SPATA6L: variants seen among roughly 807,000 people sequenced by gnomAD.
SPATA6L encodes the protein spermatogenesis associated 6-like protein.
SPATA6L carries 68 observed loss-of-function variants against 49.2 expected under a neutral mutation model. The ratio of observed to expected loss-of-function variants is 1.38; its 90% CI spans 1.14 to 1.69. The LOEUF is 1.69. Among genes scored for constraint, SPATA6L ranks in the 40% most tolerant of loss-of-function variants. The pLI is 0.00. For missense variants in SPATA6L, 668 were observed against 464.3 expected (o/e 1.44, Z -4.03); for synonymous variants, 198 against 165.7 (o/e 1.19, Z -1.50).
chr9:4,638,820 T>C (rs947446622), intron 3 of SPATA6L, among the ~76,000 whole-genome samples: 3 of 151,566 alleles, frequency 2.0e-5, no homozygotes, highest in Non-Finnish European at 4.4e-5. Context: ...AGTCTCGCCC[T>C]GTCACCCAGG....
chr9:4,611,893 A>G (rs1826837974), intron 9 of SPATA6L, among the ~76,000 whole-genome samples: 2 of 152,162 alleles, frequency 1.3e-5, no homozygotes, highest in African/African-American at 4.8e-5. Context: ...ACCCAGGCTA[A>G]CGTACAACTG....
chr9:4,639,103 C>T (rs957848934), intron 3 of SPATA6L, among the ~76,000 whole-genome samples: 8 of 152,140 alleles, frequency 5.3e-5, no homozygotes, highest in East Asian at 1.9e-4. Context: ...ACTGTAAAGA[C>T]GAATGACAAA....
At chr9:4,661,105 G>A (rs190882787) in intron 2 of SPATA6L, among the ~76,000 whole-genome samples, 4 of 152,074 alleles carry the variant, frequency 2.6e-5, no homozygotes, top group Admixed American at 6.6e-5. Flanking sequence ...AAACCAGCAC[G>A]TTGTGCATAT....
rs928273850 is a variant in SPATA6L at position 4,625,807 on chromosome 9, T to C, written c.430-241A>G. The C allele has an allele frequency of 1.7e-5, 5 of 287,030 alleles. No individual in the cohort carries two copies. The Admixed American group carries it at 1.9e-4, about 11-fold the overall frequency. The allele number at this position is 287,030 out of a possible 1,614,324, so 17.8% of individuals were successfully genotyped here. A position where few individuals can be genotyped will look rare whatever the true frequency, so the allele number is the denominator to read the frequency against. ...TTCAACTAATTAACAGTGAGATTTA[T>C]TTATAATAGGGGGAAGTTAGAAAGT... is the stretch of plus-strand genomic sequence containing the variant. On this transcript the variant is annotated intron_variant, in intron 5 of 11. Coordinates refer to ENST00000682582, the MANE Select transcript of SPATA6L (RefSeq NM_001353486.2).
intron 3 of SPATA6L, 145 bp downstream of exon 3, chr9:4,655,896 G>T (rs891647581): frequency 1.5e-6 from 1 of 673,800 alleles, no homozygotes; most frequent in Non-Finnish European, 2.4e-6. Context: ...AATCAAAAAT[G>T]TGATTCAAAT....
chr9:4,618,010 TC>T lies in SPATA6L; in HGVS notation c.907del (p.Asp303MetfsTer50). 1.2e-6 allele frequency: 2 copies of T among 1,614,104 alleles called. No individual in the cohort carries two copies. The highest frequency in any genetic ancestry group is 2.7e-5 in the African/African-American group (2 of 75,052). Reference protein sequence around the residue: ...FGKSSSSKQGDADFHGKASFA... With the variant: ...FGKSSSSKQGXADFHGKASFA... ...TGAAGCTTTCCCGTGGAAATCAGCA[TC>T]CCCTTGTTTACTGGATGAAGACTTT... On this transcript the variant is annotated frameshift_variant, in exon 9 of 12. Coordinates refer to ENST00000682582, the MANE Select transcript of SPATA6L (RefSeq NM_001353486.2). LOFTEE classifies it high-confidence loss of function.
At chr9:4,608,678 C>A (rs1825922746) in intron 9 of SPATA6L, among the ~76,000 whole-genome samples, 1 of 148,340 alleles carries the variant, frequency 6.7e-6, no homozygotes, top group Admixed American at 6.7e-5. Flanking sequence ...CACTAAATGC[C>A]CACAAGAGAA....
At chr9:4,659,237 G>A (rs1839023041) in intron 2 of SPATA6L, among the ~76,000 whole-genome samples, 1 of 152,082 alleles carries the variant, frequency 6.6e-6, no homozygotes, top group African/African-American at 2.4e-5. Context: ...TCAGAAAATT[G>A]ATCTTCATCT....
chr9:4,639,547 T>C (rs1044905218), intron 3 of SPATA6L, among the ~76,000 whole-genome samples: 1 of 152,168 alleles, frequency 6.6e-6, no homozygotes, highest in African/African-American at 2.4e-5. Flanking sequence ...AAATCCAAAC[T>C]GCCACCAAGT....
At chr9:4,659,393 G>A (rs905614360) in intron 2 of SPATA6L, among the ~76,000 whole-genome samples, 18 of 151,830 alleles carry the variant, frequency 1.2e-4, no homozygotes, top group Non-Finnish European at 1.2e-4. Context: ...CAGACAAACA[G>A]AGAGCGAAAT....
rs529927378 is a variant in SPATA6L at position 4,606,155 on chromosome 9, C to G, written c.996-715G>C. ...CCTGGCTCGGAGGGTCCTACGCCCA[C>G]GGAGTCTCGCTGATTGCTAGCACAG... On this transcript the variant is annotated intron_variant, in intron 9 of 11. Coordinates refer to ENST00000682582, the MANE Select transcript of SPATA6L (RefSeq NM_001353486.2). 7.2e-5 allele frequency among the ~76,000 whole-genome samples: 11 copies of G among 151,976 alleles called. No homozygotes were observed. The East Asian group carries it at 2.0e-3, about 27-fold the overall frequency.
At chr9:4,624,248 T>C (rs983745745) in intron 6 of SPATA6L, among the ~76,000 whole-genome samples, 1 of 152,206 alleles carries the variant, frequency 6.6e-6, no homozygotes, top group Non-Finnish European at 1.5e-5. Flanking sequence ...AATTGGAATA[T>C]ATAGGAAAAC....
chr9:4,615,077 T>TCC (rs1827650895), intron 9 of SPATA6L, among the ~76,000 whole-genome samples: 1 of 152,018 alleles, frequency 6.6e-6, no homozygotes, highest in South Asian at 2.1e-4. Context: ...TGCCCCTGCC[T>TCC]CCCACCTGCC....
intron 13 of SPATA6L, among the ~76,000 whole-genome samples, chr9:4,590,246 T>C: frequency 6.6e-6 from 1 of 152,086 alleles, no homozygotes; most frequent in Admixed American, 6.6e-5. Flanking sequence ...TTGACCTGTA[T>C]ATGGAATTGG....
chr9:4,603,821 G>C (rs1823983004), intron 11 of SPATA6L, among the ~76,000 whole-genome samples: 1 of 152,162 alleles, frequency 6.6e-6, no homozygotes, highest in Non-Finnish European at 1.5e-5. Flanking sequence ...ACAAATAGAA[G>C]TTATCCAGGC....
rs757384286 is a variant in SPATA6L, at chr9:4,648,432, G to A, written c.226+7609C>T. On this transcript the variant is annotated intron_variant, in intron 3 of 11. Transcript: ENST00000682582. ...TATAAGTTCTTGGCTGGGCACCGTG[G>A]CTCACGCCTGTAATCCCAGCACTTT... Among the ~76,000 whole-genome samples, 117 of 152,228 alleles carry A rather than the reference G, an allele frequency of 7.7e-4. 1 individual carries two copies. In the Middle Eastern group the frequency reaches 0.02, roughly 27 times the overall value.
intron 3 of SPATA6L, among the ~76,000 whole-genome samples, chr9:4,654,935 C>T (rs115929954): frequency 6.2e-4 from 94 of 152,230 alleles, no homozygotes; most frequent in African/African-American, 2.2e-3. Flanking sequence ...GGGACCACAC[C>T]CTTCCTGTAC....
At chr9:4,634,743 T>C (rs1832423236) in intron 4 of SPATA6L, among the ~76,000 whole-genome samples, 1 of 151,634 alleles carries the variant, frequency 6.6e-6, no homozygotes. Flanking sequence ...GTATCCTGAA[T>C]TTGGGTTCAG....
At chr9:4,631,833 C>T (rs10974677) in intron 4 of SPATA6L, among the ~76,000 whole-genome samples, 22,160 of 151,978 alleles carry the variant, frequency 0.15, 2,619 homozygotes, top group East Asian at 0.33. Flanking sequence ...CAGGCCAGCA[C>T]GAGGGTCCCT....
Sources: allele counts gnomAD v4.1 joint callset (sites outside exome capture counted in the v4.1 genomes callset), GRCh38; gene constraint gnomAD v4.1.1; transcripts MANE v1.5; gene names NCBI Gene and HGNC (gene_info 2026-07-23, HGNC 2026-07-21).